Variants in ANKS1B observed in about 807,000 individuals in gnomAD.
The protein encoded by ANKS1B is ankyrin repeat and sterile alpha motif domain-containing protein 1B.
ANKS1B carries 36 observed loss-of-function variants against 148.3 expected under a neutral mutation model. The ratio of observed to expected loss-of-function variants is 0.24; its 90% CI spans 0.19 to 0.32. The LOEUF (loss-of-function observed/expected upper bound fraction) is 0.32, where lower values mean the gene tolerates loss of function less well. ANKS1B is among the 10% of genes least tolerant of loss of function. ANKS1B has a pLI of 1.00. For synonymous variants in ANKS1B, 542 were observed against 560.8 expected (o/e 0.97, Z 0.47); for missense variants, 1,157 against 1,542.6 (o/e 0.75, Z 4.19).
intron 11 of ANKS1B, among the ~76,000 whole-genome samples, chr12:99,414,800 C>A (rs975754038): frequency 6.6e-6 from 1 of 152,250 alleles, no homozygotes; most frequent in Non-Finnish European, 1.5e-5. Context: ...CCTGCGCGTT[C>A]TGCACATGTA....
At chr12:98,981,998 G>A (rs907837431) in intron 17 of ANKS1B, among the ~76,000 whole-genome samples, 7 of 152,144 alleles carry the variant, frequency 4.6e-5, no homozygotes, top group African/African-American at 1.4e-4. Context: ...TAAACTGAGC[G>A]CTAGATGGAG....
chr12:98,932,134 AAC>A (rs1413374339), intron 17 of ANKS1B, among the ~76,000 whole-genome samples: 2 of 152,252 alleles, frequency 1.3e-5, no homozygotes, highest in South Asian at 4.2e-4. Flanking sequence ...ACCAGGGGGA[AAC>A]ACAAACTAAC....
chr12:99,841,823 G>C (rs1423257613), intron 1 of ANKS1B, among the ~76,000 whole-genome samples: 1 of 151,752 alleles, frequency 6.6e-6, no homozygotes, highest in Non-Finnish European at 1.5e-5. Context: ...CATATTTACA[G>C]TTCTATCACC....
chr12:98,857,603 T>A lies in ANKS1B; in HGVS notation c.2779-25467A>T, dbSNP rs116926553. Reference sequence around the variant, plus strand: ...AGAACATGCCTTGTTACCTTCATGCTCTCGGTGTAGTGGGAGGCAATGTCA... The same window carrying A: ...AGAACATGCCTTGTTACCTTCATGCACTCGGTGTAGTGGGAGGCAATGTCA... On this transcript the variant is annotated intron_variant, in intron 17 of 26. Transcript: ENST00000683438. Among the ~76,000 whole-genome samples, 606 of 151,692 alleles carry A rather than the reference T, an allele frequency of 4.0e-3. 3 individuals are homozygous for A. The highest frequency in any genetic ancestry group is 6.8e-3 in the Middle Eastern group (2 of 294).
intron 1 of ANKS1B, among the ~76,000 whole-genome samples, chr12:99,837,025 T>C (rs898702098): frequency 4.6e-5 from 7 of 152,146 alleles, no homozygotes; most frequent in African/African-American, 1.4e-4. Context: ...AGACTTACAT[T>C]GCTAATCAGC....
At chr12:99,339,498 T>G (rs546161549) in intron 12 of ANKS1B, among the ~76,000 whole-genome samples, 1 of 152,164 alleles carries the variant, frequency 6.6e-6, no homozygotes, top group Non-Finnish European at 1.5e-5. Context: ...CTCACCTAAA[T>G]TTTGGTTGTT....
chr12:99,373,667 T>C (rs1451734400), intron 12 of ANKS1B, among the ~76,000 whole-genome samples: 2 of 152,182 alleles, frequency 1.3e-5, no homozygotes, highest in Non-Finnish European at 2.9e-5. Context: ...TTACTGCTCT[T>C]TTTGAATACT....
chr12:98,750,333 G>A (rs752314894), intron 26 of ANKS1B, among the ~76,000 whole-genome samples: 18 of 152,166 alleles, frequency 1.2e-4, no homozygotes, highest in Admixed American at 2.6e-4. Flanking sequence ...GATCCCGAAA[G>A]TAAACTGTCA....
At chr12:99,252,695 C>A (rs1475939697) in intron 12 of ANKS1B, among the ~76,000 whole-genome samples, 1 of 152,186 alleles carries the variant, frequency 6.6e-6, no homozygotes, top group Admixed American at 6.5e-5. Context: ...AGGAGAGGGT[C>A]TTGTGCTAAG....
In ANKS1B at chr12:99,130,950, C is replaced by T. The variant is rs571778020; in HGVS notation, c.2526+23339G>A. On this transcript the variant is annotated intron_variant, in intron 15 of 26. Coordinates refer to ENST00000683438, the MANE Select transcript of ANKS1B (RefSeq NM_001352186.2). The stretch of plus-strand genomic sequence containing the variant: ...TTAAGGACTGGTTCAAAGACCACTT[C>T]TGTGACATCATCCCTGATTCCCACA... 3.3e-5 allele frequency among the ~76,000 whole-genome samples: 5 copies of T among 152,332 alleles called. No individual in the cohort carries two copies. In the South Asian group the frequency reaches 1.0e-3, roughly 32 times the overall value.
intron 2 of ANKS1B, among the ~76,000 whole-genome samples, chr12:99,812,622 T>C (rs1315241693): frequency 6.7e-6 from 1 of 149,196 alleles, no homozygotes; most frequent in Non-Finnish European, 1.5e-5. Context: ...AACTACTTAA[T>C]AGAATTCATA....
chr12:99,780,425 A>G (rs991761007), intron 5 of ANKS1B, among the ~76,000 whole-genome samples: 19 of 149,064 alleles, frequency 1.3e-4, no homozygotes, highest in African/African-American at 4.2e-4. Context: ...ACAGGTGCCC[A>G]CCACCATGCC....
At chr12:99,052,739 A>AAAAAAG (rs2153530839) in intron 17 of ANKS1B, among the ~76,000 whole-genome samples, 1 of 143,212 alleles carries the variant, frequency 7.0e-6, no homozygotes, top group South Asian at 2.4e-4. Flanking sequence ...CGTCTCAAAA[A>AAAAAAG]AAAAAAAAAA....
At chr12:99,365,631 C>T (rs2092723588) in intron 12 of ANKS1B, among the ~76,000 whole-genome samples, 1 of 152,096 alleles carries the variant, frequency 6.6e-6, no homozygotes, top group Non-Finnish European at 1.5e-5. Flanking sequence ...AACTACACTT[C>T]CCTGGGCCTA....
intron 4 of ANKS1B, among the ~76,000 whole-genome samples, chr12:99,802,828 A>C (rs1170796634): frequency 6.6e-6 from 1 of 151,838 alleles, no homozygotes; most frequent in African/African-American, 2.4e-5. Context: ...CAGGAGGATC[A>C]CTTGAGCTTG....
At chr12:99,241,533 C>T (rs1035573784) in intron 14 of ANKS1B, among the ~76,000 whole-genome samples, 47 of 152,220 alleles carry the variant, frequency 3.1e-4, no homozygotes, top group Non-Finnish European at 5.0e-4. Context: ...AGGGAATCCT[C>T]CCTAACTCAT....
rs577726816 is a variant in ANKS1B at position 98,872,276 on chromosome 12, C to T, written c.2779-40140G>A. Among the ~76,000 whole-genome samples the T allele has an allele frequency of 7.9e-5, 12 of 152,260 alleles. No homozygotes were observed. In the South Asian group the frequency reaches 2.5e-3, roughly 32 times the overall value. ...ATTAATGGCTGGGCATGGTAGCTCACGCTTGTAAGCCCAGCACTTTGGGAG... is the reference window on the plus strand; with the variant it reads ...ATTAATGGCTGGGCATGGTAGCTCATGCTTGTAAGCCCAGCACTTTGGGAG... On this transcript the variant is annotated intron_variant, in intron 17 of 26. Coordinates refer to ENST00000683438, the MANE Select transcript of ANKS1B (RefSeq NM_001352186.2).
chr12:99,565,691 C>T (rs2097383538), intron 9 of ANKS1B, among the ~76,000 whole-genome samples: 1 of 152,102 alleles, frequency 6.6e-6, no homozygotes, highest in South Asian at 2.1e-4. Flanking sequence ...CAGACTGCTT[C>T]CTGCTGGTAG....
At chr12:99,141,364 G>T (rs1460251132) in intron 15 of ANKS1B, among the ~76,000 whole-genome samples, 4 of 150,390 alleles carry the variant, frequency 2.7e-5, no homozygotes, top group Non-Finnish European at 4.4e-5. Context: ...AGGAGCCTCT[G>T]TGTTGCCAAA....
Sources: allele counts gnomAD v4.1 joint callset (sites outside exome capture counted in the v4.1 genomes callset), GRCh38; gene constraint gnomAD v4.1.1; transcripts MANE v1.5; gene names NCBI Gene and HGNC (gene_info 2026-07-23, HGNC 2026-07-21).